HK2: variants seen among roughly 807,000 people sequenced by gnomAD.
HK2 encodes the protein hexokinase 2.
Under a neutral mutation model 92.9 loss-of-function variants are expected in HK2, and 42 were observed. The ratio of observed to expected loss-of-function variants is 0.45; its 90% CI spans 0.35 to 0.58. The LOEUF (loss-of-function observed/expected upper bound fraction) is 0.58. HK2 is among the 20% of genes least tolerant of loss of function. HK2 has a pLI of 0.00. For missense variants in HK2, 978 were observed against 1,245.1 expected, an observed-to-expected ratio of 0.79 and a Z score of 3.23; for synonymous variants, 422 against 468.0, an observed-to-expected ratio of 0.90 and a Z score of 1.27.
intron 2 of HK2, among the ~76,000 whole-genome samples, chr2:74,861,622 T>C (rs1688829119): frequency 6.6e-6 from 1 of 152,198 alleles, no homozygotes; most frequent in Admixed American, 6.5e-5. Context: ...ACAGTTGGGA[T>C]GTAAGCATAG....
chr2:74,872,147 A>G (rs979920806), intron 3 of HK2, among the ~76,000 whole-genome samples, 153 bp from the exon 4 acceptor site: 20 of 152,174 alleles, frequency 1.3e-4, no homozygotes, highest in Non-Finnish European at 1.3e-4. Flanking sequence ...GTCCAGTTAT[A>G]ATTCCCTTTT....
In HK2 at chr2:74,889,355, G is replaced by A. The variant is rs1455783125; in HGVS notation, c.2486G>A (p.Arg829Gln). The change falls in exon 17 of 18, where the codon CGG becomes CAG. Residue 829 changes from arginine to glutamine, a missense_variant. Transcript: ENST00000290573. ...GAGGTGTGCACTGTGGTGGCCCGGC[G>A]GGCAGCCCAGCTCTGTGGCGCAGGC... ...VKEVCTVVAR[R>Q]AAQLCGAGMA... 8 of 1,614,160 alleles carry A rather than the reference G, an allele frequency of 5.0e-6. No individual in the cohort carries two copies. Among genetic ancestry groups the A allele is most frequent in the East Asian group, 4.5e-5 (2 of 44,876 alleles).
At position 74,854,440 on chromosome 2, in the gene HK2, A is replaced by G; in HGVS notation, c.211A>G (p.Thr71Ala). The change falls in exon 2 of 18, where the codon ACT (threonine) becomes GCT (alanine). Residue 71 changes from threonine to alanine, a missense_variant. Physicochemically the swap from Thr to Ala is moderately conservative, Grantham distance 58. Transcript: ENST00000290573. ...VKMLPTFVRS[T>A]PDGTEHGEFL... is the part of the protein sequence containing the mutation. ...GATGCTGCCCACCTTTGTGAGGTCC[A>G]CTCCAGATGGGACAGGTACTGCATC... is the stretch of plus-strand genomic sequence containing the variant. The G allele has an allele frequency of 6.2e-7, 1 of 1,614,120 alleles. No individual in the cohort carries two copies. Among genetic ancestry groups the G allele is most frequent in the Non-Finnish European group, 8.5e-7 (1 of 1,180,020 alleles).
rs962436751 is a variant in HK2, at chr2:74,882,368, G to A, written c.1839+129G>A. On this transcript the variant is annotated intron_variant, in intron 12 of 17. Coordinates refer to ENST00000290573, the MANE Select transcript of HK2 (RefSeq NM_000189.5). ...GGAGGGCGTGAGTTACCAGTAGTGG[G>A]GAGGGGCTCCTTGATGGGAATGAGT... The A allele has an allele frequency of 4.3e-6, 6 of 1,384,084 alleles. No homozygotes were observed. The African/African-American group carries it at 8.5e-5, about 20-fold the overall frequency. The allele number at this position is 1,384,084 out of a possible 1,614,324, so 85.7% of individuals were successfully genotyped here. A position where few individuals can be genotyped will look rare whatever the true frequency, so the allele number is the denominator to read the frequency against.
At chr2:74,846,192 A>G (rs969983201) in intron 1 of HK2, among the ~76,000 whole-genome samples, 1 of 152,228 alleles carries the variant, frequency 6.6e-6, no homozygotes, top group African/African-American at 2.4e-5. Flanking sequence ...AGTCACTGGA[A>G]GTCTTTGTGT....
rs771625087 is a variant in HK2, at chr2:74,881,815, A to G, written c.1675A>G (p.Ile559Val). 6.2e-7 allele frequency: 1 copy of G among 1,614,138 alleles called. No individual in the cohort carries two copies. The highest frequency in any genetic ancestry group is 1.1e-5 in the South Asian group (1 of 91,072). ...GGGTGGAGTGGAGATGCACAACAAG[A>G]TCTACGCCATCCCGCAGGAGGTCAT... ...KWGGVEMHNK[I>V]YAIPQEVMHG... The change falls in exon 11 of 18, where the codon ATC becomes GTC. Residue 559 changes from isoleucine (I) to valine (V), a missense_variant. Ile to Val is a conservative substitution (Grantham distance 29). Around this residue, in one of 3 missense-constraint regions of HK2, gnomAD observed 742 missense variants for 922.5 expected, o/e 0.80. Coordinates refer to ENST00000290573, the MANE Select transcript of HK2 (RefSeq NM_000189.5).
intron 1 of HK2, among the ~76,000 whole-genome samples, chr2:74,844,214 A>G (rs1206025408): frequency 2.1e-5 from 3 of 140,822 alleles, no homozygotes; most frequent in East Asian, 4.1e-4. Flanking sequence ...TTTACAGTTA[A>G]GGAAACCAGA....
intron 5 of HK2, 67 bp from the exon 6 acceptor site, chr2:74,873,777 T>G (rs779835885): frequency 6.4e-6 from 6 of 938,608 alleles, no homozygotes; most frequent in East Asian, 2.6e-5. Flanking sequence ...GAGTGATATA[T>G]AGCTGGTGTT....
At chr2:74,849,662 A>T (rs3771788) in intron 1 of HK2, among the ~76,000 whole-genome samples, 1 of 151,936 alleles carries the variant, frequency 6.6e-6, no homozygotes, top group Admixed American at 6.6e-5. Flanking sequence ...CCTGAAGGTG[A>T]CCCTGGGTGG....
At chr2:74,880,036 G>T (rs1356816945) in intron 9 of HK2, among the ~76,000 whole-genome samples, 1 of 152,192 alleles carries the variant, frequency 6.6e-6, no homozygotes, top group Non-Finnish European at 1.5e-5. Flanking sequence ...TTATTAAAAG[G>T]TCTTTTCCTT....
intron 16 of HK2, 152 bp downstream of exon 16, chr2:74,888,210 CATT>C: frequency 1.3e-6 from 1 of 792,652 alleles, no homozygotes; most frequent in Non-Finnish European, 2.1e-6. Flanking sequence ...ACTAAAAGCA[CATT>C]ATGGGCAGTT....
At chr2:74,868,509 G>A (rs1360933747) in intron 3 of HK2, among the ~76,000 whole-genome samples, 1 of 151,312 alleles carries the variant, frequency 6.6e-6, no homozygotes, top group East Asian at 2.0e-4. Flanking sequence ...TAGATTAGAG[G>A]AGATGATACC....
At chr2:74,881,685 A>T (rs767991292) in intron 10 of HK2, 26 bp from the exon 11 acceptor site, 59 of 1,613,282 alleles carry the variant, frequency 3.7e-5, no homozygotes, top group Non-Finnish European at 4.7e-5. Flanking sequence ...GCCCCAACTT[A>T]TCACTTCCCT....
intron 1 of HK2, among the ~76,000 whole-genome samples, chr2:74,843,511 G>A (rs977818174): frequency 3.3e-5 from 5 of 152,040 alleles, no homozygotes; most frequent in East Asian, 1.9e-4. Context: ...AGCATTTCCC[G>A]GACATTCTTT....
At chr2:74,867,884 T>G in intron 3 of HK2, 100 bp downstream of exon 3, 2 of 1,375,034 alleles carry the variant, frequency 1.5e-6, no homozygotes, top group Non-Finnish European at 2.1e-6. Context: ...GGATAGGCAG[T>G]CACCCAAGAC....
chr2:74,881,424 A>C (rs1260846947), intron 10 of HK2, among the ~76,000 whole-genome samples: 1 of 152,180 alleles, frequency 6.6e-6, no homozygotes, highest in Non-Finnish European at 1.5e-5. Flanking sequence ...TTAAGAGAGG[A>C]ATGCAGTGTC....
intron 1 of HK2, among the ~76,000 whole-genome samples, chr2:74,846,916 G>A (rs1001157862): frequency 6.6e-6 from 1 of 152,172 alleles, no homozygotes; most frequent in Admixed American, 6.5e-5. Flanking sequence ...CTGTCAAAGG[G>A]GCCAAATAGG....
chr2:74,837,709 C>T (rs1688201836), intron 1 of HK2, among the ~76,000 whole-genome samples: 1 of 134,588 alleles, frequency 7.4e-6, no homozygotes, highest in Non-Finnish European at 1.6e-5. Flanking sequence ...CACAGTTTCA[C>T]TCTGTCACCA....
chr2:74,855,610 C>T (rs1238242239), intron 2 of HK2, among the ~76,000 whole-genome samples: 1 of 152,194 alleles, frequency 6.6e-6, no homozygotes, highest in Non-Finnish European at 1.5e-5. Flanking sequence ...GGTGGAGATT[C>T]AAGTTGGAAA....
Sources: allele counts gnomAD v4.1 joint callset (sites outside exome capture counted in the v4.1 genomes callset), GRCh38; gene constraint gnomAD v4.1.1; regional missense constraint gnomAD v4.1.1; transcripts MANE v1.5; gene names NCBI Gene and HGNC (gene_info 2026-07-23, HGNC 2026-07-21).